Variants in URI1 observed in about 807,000 individuals in gnomAD.
URI1 encodes URI1 prefoldin like chaperone, also known as unconventional prefoldin RPB5 interactor 1.
URI1 carries 39 observed loss-of-function variants against 60.2 expected under a neutral mutation model. The observed-to-expected ratio is 0.65, with a 90% CI of 0.50 to 0.85. The LOEUF (loss-of-function observed/expected upper bound fraction) is 0.85. URI1 is among the 40% of genes least tolerant of loss of function. The probability of loss-of-function intolerance (pLI) is 0.00; values close to 1 mark genes in which losing one functional copy is unlikely to be tolerated. For synonymous variants in URI1, 251 were observed against 236.8 expected (o/e 1.06, Z -0.55); for missense variants, 691 against 665.9 (o/e 1.04, Z -0.42).
intron 1 of URI1, among the ~76,000 whole-genome samples, chr19:29,928,067 A>T (rs945447554): frequency 3.3e-5 from 5 of 152,024 alleles, no homozygotes; most frequent in African/African-American, 1.2e-4. Context: ...CATACAGGTG[A>T]TCTGGTTGAC....
intron 2 of URI1, among the ~76,000 whole-genome samples, chr19:29,975,990 A>G (rs1197803078): frequency 1.3e-5 from 2 of 152,184 alleles, no homozygotes; most frequent in Non-Finnish European, 2.9e-5. Flanking sequence ...GTACCTGTTC[A>G]TTTAATACTA....
intron 1 of URI1, among the ~76,000 whole-genome samples, chr19:29,948,033 AG>A (rs2055124211): frequency 6.6e-6 from 1 of 152,194 alleles, no homozygotes; most frequent in African/African-American, 2.4e-5. Flanking sequence ...TATTGGAAAG[AG>A]TGTCATGTCT....
intron 1 of URI1, among the ~76,000 whole-genome samples, chr19:29,965,487 TTATGGCA>T (rs2055381212): frequency 6.6e-6 from 1 of 152,220 alleles, no homozygotes; most frequent in Non-Finnish European, 1.5e-5. Flanking sequence ...ATTCTTAAGT[TTATGGCA>T]TATTCATTGT....
At chr19:29,996,479 T>TTG (rs140817981) in intron 4 of URI1, among the ~76,000 whole-genome samples, 16,627 of 150,440 alleles carry the variant, frequency 0.11, 1,303 homozygotes, top group East Asian at 0.27. Context: ...CAAGGGTGTT[T>TTG]TGTGTGTGTG....
At chr19:30,013,889 C>CTT (rs891877477) in intron 10 of URI1, among the ~76,000 whole-genome samples, 4 of 152,002 alleles carry the variant, frequency 2.6e-5, no homozygotes, top group Non-Finnish European at 5.9e-5. Flanking sequence ...AGATGGCTTT[C>CTT]TTTGTTTTTG....
chr19:29,924,812 C>G (rs1470611823), intron 1 of URI1, among the ~76,000 whole-genome samples: 1 of 152,216 alleles, frequency 6.6e-6, no homozygotes, highest in African/African-American at 2.4e-5. Context: ...TCCAGGCTCT[C>G]TGAACCCCCT....
chr19:29,942,568 G>A lies in URI1; in HGVS notation c.21G>A (p.Glu7=). Residue 7 remains glutamate (E), a synonymous_variant, in exon 1 of 11, where the codon GAG becomes GAA. Transcript: ENST00000392271. ...CCGTCATGGAGGCGCCCACCGTGGA[G>A]ACGCCCCCCGACCCCTCGCCCCCTT... MEAPTV[E]TPPDPSPPSA... is the part of the protein sequence containing the mutation. 7.0e-7 allele frequency: 1 copy of A among 1,423,364 alleles called. No individual in the cohort carries two copies. The highest frequency in any genetic ancestry group is 9.2e-7 in the Non-Finnish European group (1 of 1,089,738). The allele number at this position is 1,423,364 out of a possible 1,614,324, so 88.2% of individuals were successfully genotyped here. A position where few individuals can be genotyped will look rare whatever the true frequency, so the allele number is the denominator to read the frequency against.
Position 30,005,393 on chromosome 19 carries a change from G to C in URI1, c.400G>C (p.Val134Leu), listed in dbSNP as rs1467248906. ...VRKTIDDLKK[V>L]MKNFESRVEF... ...AAAAACAATAGATGACTTAAAAAAAGTGATGAAAAATTTTGAATCCAGAGT... is the reference window on the plus strand; with the variant it reads ...AAAAACAATAGATGACTTAAAAAAACTGATGAAAAATTTTGAATCCAGAGT... The change falls in exon 5 of 11, where the codon GTG becomes CTG. Residue 134 changes from valine (V) to leucine (L), a missense_variant. By Grantham distance (32) the Val-to-Leu change is conservative (BLOSUM62 1). Coordinates refer to ENST00000392271, the MANE Select transcript of URI1 (RefSeq NM_003796.3). The C allele has an allele frequency of 1.1e-5, 18 of 1,602,804 alleles. No homozygotes were observed. The highest frequency in any genetic ancestry group is 1.4e-5 in the Non-Finnish European group (17 of 1,175,482).
At position 30,011,214 on chromosome 19, in the gene URI1, A is replaced by C; in HGVS notation, c.1156A>C (p.Arg386=). The change falls in exon 9 of 11, where the codon AGG becomes CGG. Residue 386 remains arginine, a synonymous_variant. Transcript: ENST00000392271. ...GHSAQELPTI[R]TPADIYRAFV... ...CTCTGCCCAGGAGCTGCCGACCATC[A>C]GGACGCCTGCAGACATTTACAGGTG... is the stretch of plus-strand genomic sequence containing the variant. 7 of 1,610,852 alleles carry C rather than the reference A, an allele frequency of 4.3e-6. No individual in the cohort carries two copies. The highest frequency in any genetic ancestry group is 5.9e-6 in the Non-Finnish European group (7 of 1,179,018).
chr19:29,978,252 T>TTTTAAA (rs1443689521), intron 2 of URI1, among the ~76,000 whole-genome samples: 1 of 151,856 alleles, frequency 6.6e-6, no homozygotes, highest in African/African-American at 2.4e-5. Flanking sequence ...CCCTGAAGAG[T>TTTTAAA]TTTAAACTAT....
chr19:29,998,226 C>T (rs551598858), intron 4 of URI1, among the ~76,000 whole-genome samples: 6 of 152,116 alleles, frequency 3.9e-5, no homozygotes, highest in Middle Eastern at 6.8e-3. Context: ...TTAAATTTTT[C>T]GAGACTTATT....
chr19:29,942,588 C>T lies in URI1; in HGVS notation c.41C>T (p.Pro14Leu), dbSNP rs1228130868. 22 of 1,430,468 alleles carry T rather than the reference C, an allele frequency of 1.5e-5. No homozygotes were observed. The highest frequency in any genetic ancestry group is 8.8e-5 in the Admixed American group (3 of 34,050). The allele number at this position is 1,430,468 out of a possible 1,614,324, so 88.6% of individuals were successfully genotyped here. A position where few individuals can be genotyped will look rare whatever the true frequency, so the allele number is the denominator to read the frequency against. ...GTGGAGACGCCCCCCGACCCCTCGCCCCCTTCGGCCCCGGCCCCTGCCCTG... is the reference window on the plus strand; with the variant it reads ...GTGGAGACGCCCCCCGACCCCTCGCTCCCTTCGGCCCCGGCCCCTGCCCTG... ...PTVETPPDPS[P>L]PSAPAPALVP... is the part of the protein sequence containing the mutation. Residue 14 changes from proline (P) to leucine (L), a missense_variant, in exon 1 of 11, where the codon CCC becomes CTC. Coordinates refer to ENST00000392271, the MANE Select transcript of URI1 (RefSeq NM_003796.3).
chr19:29,986,559 A>C, intron 4 of URI1, 142 bp downstream of exon 4: 1 of 1,062,444 alleles, frequency 9.4e-7, no homozygotes, highest in South Asian at 1.8e-5. Context: ...AATTGTAGGT[A>C]GTTTGAGTAG....
intron 1 of URI1, among the ~76,000 whole-genome samples, chr19:29,931,708 T>C (rs2054918710): frequency 6.6e-6 from 1 of 152,208 alleles, no homozygotes; most frequent in Non-Finnish European, 1.5e-5. Context: ...TAGTTTTCGA[T>C]GTACAAACTT....
At chr19:29,996,858 G>A (rs12984293) in intron 4 of URI1, among the ~76,000 whole-genome samples, 1 of 151,536 alleles carries the variant, frequency 6.6e-6, no homozygotes, top group Non-Finnish European at 1.5e-5. Context: ...GGATTCAATC[G>A]AGATTACCAT....
intron 4 of URI1, among the ~76,000 whole-genome samples, chr19:29,989,510 G>A (rs923814581): frequency 2.6e-5 from 4 of 151,476 alleles, no homozygotes; most frequent in African/African-American, 4.9e-5. Context: ...CGCAACCTCC[G>A]CCTCCCGGGT....
chr19:29,923,954 A>G (rs1048107268), intron 1 of URI1, among the ~76,000 whole-genome samples: 2 of 152,142 alleles, frequency 1.3e-5, no homozygotes, highest in Non-Finnish European at 2.9e-5. Context: ...GTCCCACAGT[A>G]TGTCATCTGC....
chr19:29,929,602 A>C (rs1309987947), intron 1 of URI1, among the ~76,000 whole-genome samples: 1 of 152,140 alleles, frequency 6.6e-6, no homozygotes, highest in Non-Finnish European at 1.5e-5. Context: ...ATCTCAAAAA[A>C]TTAAAGAAAT....
At position 30,015,299 on chromosome 19, in the gene URI1, C is replaced by G; in HGVS notation, c.*230C>G. On this transcript the variant is annotated 3_prime_UTR_variant, in exon 11 of 11. Transcript: ENST00000392271. ...CTCTGAATACTGTCAACACTCTTAT[C>G]TAAGTTTGCCTTTATGATGCAGTGG... 1 of 1,415,892 alleles carries G rather than the reference C, an allele frequency of 7.1e-7. No individual in the cohort carries two copies. Among genetic ancestry groups the G allele is most frequent in the Non-Finnish European group, 9.2e-7 (1 of 1,091,226 alleles). The allele number at this position is 1,415,892 out of a possible 1,614,324, so 87.7% of individuals were successfully genotyped here.
Sources: allele counts gnomAD v4.1 joint callset (sites outside exome capture counted in the v4.1 genomes callset), GRCh38; gene constraint gnomAD v4.1.1; transcripts MANE v1.5; gene names NCBI Gene and HGNC (gene_info 2026-07-23, HGNC 2026-07-21).